SHISA6: variants seen among roughly 807,000 people sequenced by gnomAD.
SHISA6 encodes the protein protein shisa-6.
In SHISA6, 22 loss-of-function variants were observed where a neutral mutation model predicts 47.9. That is an observed-to-expected ratio of 0.46 (90% confidence interval 0.33 to 0.66). SHISA6 has a LOEUF of 0.66. SHISA6 is among the 30% of genes least tolerant of loss of function. The pLI, the probability that SHISA6 is intolerant of heterozygous loss-of-function variation, is 0.02. For synonymous variants in SHISA6, 388 were observed against 337.8 expected (o/e 1.15, Z -1.63); for missense variants, 680 against 764.6 (o/e 0.89, Z 1.30).
At chr17:11,525,631 CAAAAAAA>C (rs548619604) in intron 3 of SHISA6, among the ~76,000 whole-genome samples, 2 of 58,906 alleles carry the variant, frequency 3.4e-5, no homozygotes, top group Admixed American at 2.5e-4. Flanking sequence ...GACTCCGTCT[CAAAAAAA>C]AAAAAAAAAA....
chr17:11,532,813 C>G (rs985918065), intron 3 of SHISA6, among the ~76,000 whole-genome samples: 6 of 139,290 alleles, frequency 4.3e-5, no homozygotes, highest in Middle Eastern at 4.2e-3. Context: ...TATTCCACCT[C>G]TCAGCACACA....
chr17:11,527,878 C>T (rs569074140), intron 3 of SHISA6, among the ~76,000 whole-genome samples: 4 of 152,152 alleles, frequency 2.6e-5, no homozygotes, highest in Non-Finnish European at 4.4e-5. Context: ...GTAGGTAGTC[C>T]CTAGTTTTTA....
At chr17:11,309,457 G>A (rs1038068994) in intron 2 of SHISA6, among the ~76,000 whole-genome samples, 5 of 152,178 alleles carry the variant, frequency 3.3e-5, no homozygotes, top group Admixed American at 2.0e-4. Context: ...CCAATCTGTT[G>A]TGTTTCTTCT....
rs1203365703 is a variant in SHISA6 at position 11,327,344 on chromosome 17, C to A, written c.800-52070C>A. ...ACTAACCAAATGACCTTGGGCAAGT[C>A]ATTTCCCTTCCGCAAGGATTAGTTT... On this transcript the variant is annotated intron_variant, in intron 2 of 5. Transcript: ENST00000441885. 3.9e-5 allele frequency among the ~76,000 whole-genome samples: 6 copies of A among 152,332 alleles called. No individual in the cohort carries two copies. The East Asian group carries it at 1.2e-3, about 29-fold the overall frequency.
At chr17:11,526,660 CA>C (rs1483297561) in intron 3 of SHISA6, among the ~76,000 whole-genome samples, 1 of 151,926 alleles carries the variant, frequency 6.6e-6, no homozygotes, top group Non-Finnish European at 1.5e-5. Flanking sequence ...ATGATAGTTC[CA>C]CGTTATACAG....
At chr17:11,531,860 G>C (rs1161650497) in intron 3 of SHISA6, among the ~76,000 whole-genome samples, 1 of 152,172 alleles carries the variant, frequency 6.6e-6, no homozygotes, top group Non-Finnish European at 1.5e-5. Context: ...ACACAGTATT[G>C]ATGCATATAT....
chr17:11,382,158 G>A (rs1913033340), intron 3 of SHISA6, among the ~76,000 whole-genome samples: 2 of 151,910 alleles, frequency 1.3e-5, no homozygotes, highest in Admixed American at 6.6e-5. Flanking sequence ...CTATAACCTC[G>A]AACTCCTGGG....
At position 11,263,262 on chromosome 17, in the gene SHISA6, C is replaced by T. The variant is rs1908305122; in HGVS notation, c.639-104C>T. On this transcript the variant is annotated intron_variant, in intron 1 of 5. Coordinates refer to ENST00000441885, the MANE Select transcript of SHISA6 (RefSeq NM_207386.4). ...AGCTGAATGCTGTCTCTGTCTCTTC[C>T]TGCATCTCTGTAAATCAAAGGGCAT... The T allele has an allele frequency of 1.3e-5, 16 of 1,209,838 alleles. No individual in the cohort carries two copies. In the South Asian group the frequency reaches 1.9e-4, roughly 14 times the overall value. The allele number at this position is 1,209,838 out of a possible 1,614,324, so 74.9% of individuals were successfully genotyped here. A position where few individuals can be genotyped will look rare whatever the true frequency, so the allele number is the denominator to read the frequency against.
intron 3 of SHISA6, among the ~76,000 whole-genome samples, chr17:11,515,789 A>C (rs188776574): frequency 2.3e-4 from 35 of 152,218 alleles, no homozygotes; most frequent in Admixed American, 1.8e-3. Flanking sequence ...AGATGCATCA[A>C]CTCAACCAAG....
At chr17:11,497,688 G>T (rs2874638) in intron 3 of SHISA6, among the ~76,000 whole-genome samples, 1 of 152,058 alleles carries the variant, frequency 6.6e-6, no homozygotes, top group South Asian at 2.1e-4. Context: ...CTCCATACAT[G>T]GGTTAAGCTT....
chr17:11,311,157 C>T lies in SHISA6; in HGVS notation c.799+47631C>T, dbSNP rs190140864. On this transcript the variant is annotated intron_variant, in intron 2 of 5. Transcript: ENST00000441885. ...ATTAGCCGGGTGTGGTGGCAGGCGC[C>T]TGTAGTTCCAGCTACTCAGGAGGCT... Among the ~76,000 whole-genome samples the T allele has an allele frequency of 4.5e-4, 67 of 149,480 alleles. 1 individual carries two copies. The East Asian group carries it at 0.013, about 28-fold the overall frequency.
At chr17:11,340,625 A>T (rs1051758554) in intron 2 of SHISA6, among the ~76,000 whole-genome samples, 6 of 152,156 alleles carry the variant, frequency 3.9e-5, no homozygotes, top group Non-Finnish European at 5.9e-5. Flanking sequence ...GTACAGAGGG[A>T]TGGGAGGGAT....
At chr17:11,383,599 C>T (rs1913100308) in intron 3 of SHISA6, among the ~76,000 whole-genome samples, 1 of 152,126 alleles carries the variant, frequency 6.6e-6, no homozygotes, top group Admixed American at 6.5e-5. Flanking sequence ...ATAGCACTAC[C>T]TTAGGCTTCC....
intron 2 of SHISA6, among the ~76,000 whole-genome samples, chr17:11,272,226 C>A (rs79831743): frequency 0.014 from 2,080 of 152,226 alleles, 43 homozygotes; most frequent in African/African-American, 0.048. Flanking sequence ...CTTATGGGGA[C>A]TCACTCTCTG....
At chr17:11,382,850 G>A (rs1024716837) in intron 3 of SHISA6, among the ~76,000 whole-genome samples, 1 of 151,116 alleles carries the variant, frequency 6.6e-6, no homozygotes, top group Admixed American at 6.6e-5. Context: ...TTGTCCAAGA[G>A]CCAAGAATGG....
chr17:11,263,373 G>A lies in SHISA6; in HGVS notation c.646G>A (p.Ala216Thr). The change falls in exon 2 of 6, where the codon GCT becomes ACT. Residue 216 changes from alanine to threonine, a missense_variant. Physicochemically the swap from Ala to Thr is moderately conservative, Grantham distance 58 (BLOSUM62 0). This residue lies in a region of SHISA6 where 559 missense variants were observed against 674.1 expected (regional missense o/e 0.83). Coordinates refer to ENST00000441885, the MANE Select transcript of SHISA6 (RefSeq NM_207386.4). ...GATCTCCTCCTTGTTTAGGGCTCTG[G>A]CTGACATCTTAAGACAACAGGGACC... Reference protein sequence around the residue: ...PREMNIHRALADILRQQGPIP... With the variant: ...PREMNIHRALTDILRQQGPIP... 1 of 1,552,060 alleles carries A rather than the reference G, an allele frequency of 6.4e-7. No individual in the cohort carries two copies. Among genetic ancestry groups the A allele is most frequent in the East Asian group, 2.4e-5 (1 of 40,914 alleles).
intron 2 of SHISA6, among the ~76,000 whole-genome samples, chr17:11,313,640 G>A (rs1353231464): frequency 2.0e-5 from 3 of 152,094 alleles, no homozygotes; most frequent in Admixed American, 6.6e-5. Flanking sequence ...CTGGGGAGGC[G>A]GCATTTAAGC....
chr17:11,355,979 T>G (rs564121486), intron 2 of SHISA6, among the ~76,000 whole-genome samples: 1 of 152,324 alleles, frequency 6.6e-6, no homozygotes, highest in South Asian at 2.1e-4. Flanking sequence ...GAGACCAAAA[T>G]GGCTAATGCC....
chr17:11,461,676 C>G (rs970410706), intron 3 of SHISA6, among the ~76,000 whole-genome samples: 2 of 152,210 alleles, frequency 1.3e-5, no homozygotes, highest in East Asian at 3.9e-4. Flanking sequence ...GGGATAATTT[C>G]AGCAGGCTCT....
Sources: allele counts gnomAD v4.1 joint callset (sites outside exome capture counted in the v4.1 genomes callset), GRCh38; gene constraint gnomAD v4.1.1; regional missense constraint gnomAD v4.1.1; transcripts MANE v1.5; gene names NCBI Gene and HGNC (gene_info 2026-07-23, HGNC 2026-07-21).